TMEM178B: variants seen among roughly 807,000 people sequenced by gnomAD.
TMEM178B encodes transmembrane protein 178B.
Under a neutral mutation model 31.0 loss-of-function variants are expected in TMEM178B, and 5 were observed. The observed-to-expected ratio is 0.16, with a 90% confidence interval of 0.08 to 0.34. The LOEUF (loss-of-function observed/expected upper bound fraction) is 0.34, where lower values mean the gene tolerates loss of function less well. Among genes scored for constraint, TMEM178B ranks in the 10% least tolerant of loss-of-function variants. TMEM178B has a pLI of 1.00. For synonymous variants in TMEM178B, 164 were observed against 164.0 expected (o/e 1.00, Z 0.00); for missense variants, 275 against 400.3 (o/e 0.69, Z 2.67).
At chr7:141,242,916 A>G (rs895816877) in intron 2 of TMEM178B, among the ~76,000 whole-genome samples, 1 of 151,694 alleles carries the variant, frequency 6.6e-6, no homozygotes, top group Non-Finnish European at 1.5e-5. Flanking sequence ...TCCTGTCTTT[A>G]TGTCATTGTT....
intron 1 of TMEM178B, among the ~76,000 whole-genome samples, chr7:141,202,086 A>G (rs1796887561): frequency 6.6e-6 from 1 of 152,162 alleles, no homozygotes; most frequent in Non-Finnish European, 1.5e-5. Flanking sequence ...GGGGATAATA[A>G]TGCACCTTTT....
intron 2 of TMEM178B, among the ~76,000 whole-genome samples, chr7:141,287,453 T>C (rs1798465136): frequency 6.6e-6 from 1 of 152,200 alleles, no homozygotes; most frequent in Non-Finnish European, 1.5e-5. Context: ...ATGATATAGG[T>C]CATAAAAACT....
intron 2 of TMEM178B, among the ~76,000 whole-genome samples, chr7:141,229,073 T>A (rs1262852877): frequency 6.8e-6 from 1 of 146,512 alleles, no homozygotes; most frequent in African/African-American, 2.6e-5. Context: ...GACTAGGGAT[T>A]TTTTTTGCAA....
intron 2 of TMEM178B, among the ~76,000 whole-genome samples, chr7:141,282,983 G>A (rs922336196): frequency 6.6e-6 from 1 of 152,112 alleles, no homozygotes; most frequent in Non-Finnish European, 1.5e-5. Context: ...CATCTATTAG[G>A]TTGGTACAAA....
intron 2 of TMEM178B, among the ~76,000 whole-genome samples, chr7:141,255,027 G>T (rs1797903843): frequency 6.6e-6 from 1 of 152,192 alleles, no homozygotes; most frequent in African/African-American, 2.4e-5. Context: ...CTGTGCTAGG[G>T]TGCATTGTCT....
chr7:141,236,138 C>T (rs1797523675), intron 2 of TMEM178B, among the ~76,000 whole-genome samples: 1 of 152,198 alleles, frequency 6.6e-6, no homozygotes, highest in South Asian at 2.1e-4. Context: ...AGCCCCTTAC[C>T]CCCACAGGTC....
intron 2 of TMEM178B, among the ~76,000 whole-genome samples, chr7:141,253,018 G>A (rs904270774): frequency 1.3e-5 from 2 of 152,202 alleles, no homozygotes; most frequent in African/African-American, 2.4e-5. Context: ...AAAAGAGGTG[G>A]CAATCTGTAT....
At chr7:141,510,989 T>G in the TMEM178B span, among the ~76,000 whole-genome samples, 1 of 152,078 alleles carries the variant, frequency 6.6e-6, no homozygotes, top group African/African-American at 2.4e-5. Flanking sequence ...GTAACTGAAG[T>G]GATGAAGTGG....
At chr7:141,157,738 A>T (rs1796097229) in intron 1 of TMEM178B, among the ~76,000 whole-genome samples, 1 of 152,182 alleles carries the variant, frequency 6.6e-6, no homozygotes, top group African/African-American at 2.4e-5. Flanking sequence ...CGAGCGAGGT[A>T]ACAGTGATGA....
chr7:141,421,159 C>T (rs899941652), intron 2 of TMEM178B, among the ~76,000 whole-genome samples: 10 of 152,152 alleles, frequency 6.6e-5, no homozygotes, highest in Non-Finnish European at 1.5e-4. Flanking sequence ...TGGAAAACAT[C>T]CTTGCTTATA....
chr7:141,483,196 G>A (rs1693287518), downstream of TMEM178B, among the ~76,000 whole-genome samples: 1 of 152,230 alleles, frequency 6.6e-6, no homozygotes, highest in Non-Finnish European at 1.5e-5. Context: ...CTTGGGATGG[G>A]CAGAGTTGGG....
In TMEM178B at chr7:141,212,495, A is replaced by C. The variant is rs1797066354; in HGVS notation, c.383-96A>C. 6.0e-6 allele frequency: 6 copies of C among 994,988 alleles called. No homozygotes were observed. In the East Asian group the frequency reaches 1.0e-4, roughly 17 times the overall value. 61.6% of individuals were successfully genotyped at this position (994,988 alleles called of 1,614,324 possible). On this transcript the variant is annotated intron_variant, in intron 1 of 3. Coordinates refer to ENST00000565468, the MANE Select transcript of TMEM178B (RefSeq NM_001195278.2). ...GTTGTCACCAGGCCCAATATGAAAG[A>C]AGTCTTCTTCTCCAGGATGGAAAAA... is the stretch of plus-strand genomic sequence containing the variant.
chr7:141,156,358 A>G (rs1796069936), intron 1 of TMEM178B, among the ~76,000 whole-genome samples: 1 of 152,242 alleles, frequency 6.6e-6, no homozygotes. Flanking sequence ...ATAGGCAATG[A>G]TATTACTAAG....
intron 3 of TMEM178B, among the ~76,000 whole-genome samples, chr7:141,469,814 G>A (rs1299127781): frequency 4.6e-5 from 7 of 152,136 alleles, no homozygotes; most frequent in Admixed American, 2.0e-4. Flanking sequence ...TTAAGAGGAC[G>A]TCCCATCATC....
At chr7:141,440,050 G>A (rs1339327783) in intron 3 of TMEM178B, among the ~76,000 whole-genome samples, 1 of 152,256 alleles carries the variant, frequency 6.6e-6, no homozygotes. Flanking sequence ...CAACAGATGT[G>A]ACTGTGGTAG....
At position 141,321,478 on chromosome 7, in the gene TMEM178B, C is replaced by T. The variant is rs544560554; in HGVS notation, c.496+108774C>T. Among the ~76,000 whole-genome samples, 59 of 152,266 alleles carry T rather than the reference C, an allele frequency of 3.9e-4. 1 individual carries two copies. The Middle Eastern group carries it at 0.017, about 44-fold the overall frequency. ...CTAGACTTCTCAAGGAAGCCACAGCCGAGTAAGAGAGTGCAGTCAGGAGGC... is the reference window on the plus strand; with the variant it reads ...CTAGACTTCTCAAGGAAGCCACAGCTGAGTAAGAGAGTGCAGTCAGGAGGC... On this transcript the variant is annotated intron_variant, in intron 2 of 3. Transcript: ENST00000565468.
intron 1 of TMEM178B, among the ~76,000 whole-genome samples, chr7:141,140,602 T>C (rs1795753930): frequency 6.6e-6 from 1 of 152,234 alleles, no homozygotes; most frequent in Non-Finnish European, 1.5e-5. Context: ...AGATGTCCTT[T>C]TTCTGTACCA....
intron 2 of TMEM178B, among the ~76,000 whole-genome samples, chr7:141,297,809 A>G (rs1043070503): frequency 8.5e-5 from 13 of 152,214 alleles, no homozygotes; most frequent in Non-Finnish European, 1.5e-4. Flanking sequence ...TAGTGCTGCA[A>G]TAAACGTACG....
At chr7:141,386,434 A>G (rs1424195335) in intron 2 of TMEM178B, among the ~76,000 whole-genome samples, 1 of 152,144 alleles carries the variant, frequency 6.6e-6, no homozygotes, top group Admixed American at 6.5e-5. Context: ...GGAGCTGCCT[A>G]TTACCTTACA....
Sources: gnomAD v4.1 joint callset for allele counts (sites outside exome capture counted in the v4.1 genomes callset) on GRCh38, gnomAD v4.1.1 for gene constraint, MANE v1.5 for transcripts, NCBI Gene and HGNC (gene_info 2026-07-23, HGNC 2026-07-21) for gene names.